Variants in CPNE4 observed in about 807,000 individuals in gnomAD.
The protein encoded by CPNE4 is copine-4.
CPNE4 carries 25 observed loss-of-function variants against 67.9 expected under a neutral mutation model. That is an observed-to-expected ratio of 0.37 (90% CI 0.27 to 0.51). The LOEUF is 0.51. Ranked by LOEUF, CPNE4 falls within the 20% of genes least tolerant of loss-of-function variation. The pLI, the probability that CPNE4 is intolerant of heterozygous loss-of-function variation, is 0.93. For synonymous variants in CPNE4, 242 were observed against 244.9 expected (o/e 0.99, Z 0.11); for missense variants, 464 against 690.8 (o/e 0.67, Z 3.68).
upstream of CPNE4, among the ~76,000 whole-genome samples, chr3:132,036,233 C>T (rs2074335442): frequency 6.6e-6 from 1 of 152,224 alleles, no homozygotes. Flanking sequence ...GAAACTACCA[C>T]AGAAATCCTT....
At chr3:131,800,159 TC>T (rs2084050557) in intron 2 of CPNE4, among the ~76,000 whole-genome samples, 1 of 152,120 alleles carries the variant, frequency 6.6e-6, no homozygotes, top group African/African-American at 2.4e-5. Context: ...TTTGTAATTC[TC>T]AGTGTTTATT....
chr3:132,013,768 T>C (rs2073826917), intron 1 of CPNE4, among the ~76,000 whole-genome samples: 1 of 152,192 alleles, frequency 6.6e-6, no homozygotes, highest in Non-Finnish European at 1.5e-5. Flanking sequence ...GGAACTCGTA[T>C]TATTATTATT....
chr3:132,033,405 C>CTGTGTGTGTGTGTG (rs59853721), intron 1 of CPNE4, among the ~76,000 whole-genome samples: 4 of 150,732 alleles, frequency 2.7e-5, no homozygotes, highest in African/African-American at 9.8e-5. Flanking sequence ...GTGTGTGTGT[C>CTGTGTGTGTGTGTG]TGTGTGTGTG....
intron 2 of CPNE4, among the ~76,000 whole-genome samples, chr3:131,884,122 A>G (rs2087786800): frequency 6.6e-6 from 1 of 152,236 alleles, no homozygotes; most frequent in African/African-American, 2.4e-5. Context: ...CTAGCACAAA[A>G]GCTGGGACCA....
At chr3:131,782,845 T>C (rs1172452847) in intron 2 of CPNE4, among the ~76,000 whole-genome samples, 1 of 152,094 alleles carries the variant, frequency 6.6e-6, no homozygotes, top group Non-Finnish European at 1.5e-5. Flanking sequence ...ATGAGACATA[T>C]GCACCTCCTG....
At chr3:132,008,888 A>G (rs1324009666) in intron 1 of CPNE4, among the ~76,000 whole-genome samples, 3 of 152,230 alleles carry the variant, frequency 2.0e-5, no homozygotes, top group African/African-American at 7.2e-5. Context: ...CTAGAAAAAT[A>G]TGCCAGTGAT....
At chr3:131,558,529 A>C (rs1181938589) in intron 11 of CPNE4, among the ~76,000 whole-genome samples, 3 of 151,770 alleles carry the variant, frequency 2.0e-5, no homozygotes, top group African/African-American at 7.3e-5. Context: ...AAAATAGTAT[A>C]AAATACAATA....
At chr3:131,874,830 A>C (rs938000311) in intron 2 of CPNE4, among the ~76,000 whole-genome samples, 2 of 152,224 alleles carry the variant, frequency 1.3e-5, no homozygotes, top group African/African-American at 4.8e-5. Flanking sequence ...CTGTGGCTTA[A>C]AGTCAAATTA....
chr3:131,750,576 G>A (rs1344161070), intron 2 of CPNE4, among the ~76,000 whole-genome samples: 1 of 151,932 alleles, frequency 6.6e-6, no homozygotes, highest in African/African-American at 2.4e-5. Flanking sequence ...TTTCCCCAAT[G>A]TCCTTTTATT....
chr3:131,923,704 C>CAAA (rs3041574), intron 1 of CPNE4, among the ~76,000 whole-genome samples: 3,862 of 39,380 alleles, frequency 0.098, 281 homozygotes, highest in East Asian at 0.16. Flanking sequence ...GACTCCGTCT[C>CAAA]AAAAAAAAAA....
At chr3:131,958,761 C>A (rs750310193) in intron 1 of CPNE4, among the ~76,000 whole-genome samples, 44 of 151,302 alleles carry the variant, frequency 2.9e-4, no homozygotes, top group Non-Finnish European at 4.9e-4. Context: ...CAGGTTCAAG[C>A]AATTCCCCTG....
intron 7 of CPNE4, among the ~76,000 whole-genome samples, chr3:131,590,358 C>A (rs566727772): frequency 6.6e-6 from 1 of 152,204 alleles, no homozygotes; most frequent in Admixed American, 6.5e-5. Context: ...TACTGTGGAG[C>A]AGTGGAGCTC....
chr3:131,671,310 ATTGT>A (rs1243240144), intron 6 of CPNE4, among the ~76,000 whole-genome samples: 1 of 152,144 alleles, frequency 6.6e-6, no homozygotes, highest in Non-Finnish European at 1.5e-5. Context: ...TAGGTAAAAA[ATTGT>A]TTGGGTTAAA....
At chr3:131,654,507 T>G (rs375182077) in intron 7 of CPNE4, among the ~76,000 whole-genome samples, 8 of 152,334 alleles carry the variant, frequency 5.3e-5, no homozygotes, top group African/African-American at 1.2e-4. Context: ...TATTTGGTTT[T>G]CTGTTTCTGT....
chr3:132,001,544 AAGAAAAAAG>A (rs1294589611), intron 1 of CPNE4, among the ~76,000 whole-genome samples: 4 of 142,068 alleles, frequency 2.8e-5, no homozygotes, highest in African/African-American at 1.1e-4. Context: ...GAAAGAGACA[AAGAAAAAAG>A]AGAAAGAAAG....
At chr3:131,980,506 A>G (rs1355363968) in intron 1 of CPNE4, among the ~76,000 whole-genome samples, 2 of 152,006 alleles carry the variant, frequency 1.3e-5, no homozygotes, top group Non-Finnish European at 2.9e-5. Flanking sequence ...TTTCCAGAGC[A>G]TTTCACATTT....
rs912400562 is a variant in CPNE4 at position 131,777,376 on chromosome 3, A to G, written c.181-53751T>C. 2.2e-4 allele frequency among the ~76,000 whole-genome samples: 28 copies of G among 126,514 alleles called. No homozygotes were observed. The East Asian group carries it at 6.4e-3, about 29-fold the overall frequency. 83.0% of individuals were successfully genotyped at this position (126,514 alleles called of 152,430 possible). A position where few individuals can be genotyped will look rare whatever the true frequency, so the allele number is the denominator to read the frequency against. Reference sequence around the variant, plus strand: ...TTGAATCAGAGAAAATAGCATTTCAAGGTTTTTTTTTTTTTTTTAGTTTCA... The same window carrying G: ...TTGAATCAGAGAAAATAGCATTTCAGGGTTTTTTTTTTTTTTTTAGTTTCA... On this transcript the variant is annotated intron_variant, in intron 2 of 15. Transcript: ENST00000429747.
In CPNE4 at chr3:131,648,227, C is replaced by G. The variant is rs942343921; in HGVS notation, c.681+21448G>C. On this transcript the variant is annotated intron_variant, in intron 7 of 15. Coordinates refer to ENST00000429747, the MANE Select transcript of CPNE4 (RefSeq NM_130808.3). ...ACTCTACAAAAAACACAAAAATTAG[C>G]CAGGTGTGATGGCATGCATCTGTAG... 2.6e-5 allele frequency among the ~76,000 whole-genome samples: 4 copies of G among 152,210 alleles called. No homozygotes were observed. The South Asian group carries it at 8.3e-4, about 32-fold the overall frequency.
chr3:131,778,877 A>G (rs966446644), intron 2 of CPNE4, among the ~76,000 whole-genome samples: 2 of 152,090 alleles, frequency 1.3e-5, no homozygotes, highest in African/African-American at 4.8e-5. Context: ...TCCAAATTGG[A>G]AGAGAGGAAG....
Sources: allele counts gnomAD v4.1 joint callset (sites outside exome capture counted in the v4.1 genomes callset), GRCh38; gene constraint gnomAD v4.1.1; transcripts MANE v1.5; gene names NCBI Gene and HGNC (gene_info 2026-07-23, HGNC 2026-07-21).